Variants in SHMT2 observed in about 807,000 individuals in gnomAD.
The protein encoded by SHMT2 is serine hydroxymethyltransferase 2.
In SHMT2, 38 loss-of-function variants were observed where a neutral mutation model predicts 59.6. That is an observed-to-expected ratio of 0.64 (90% CI 0.49 to 0.84). The LOEUF is 0.84. SHMT2 is among the 40% of genes least tolerant of loss of function. The pLI, the probability that SHMT2 is intolerant of heterozygous loss-of-function variation, is 0.00. For missense variants in SHMT2, 533 were observed against 659.5 expected (o/e 0.81, Z 2.10); for synonymous variants, 254 against 258.1 (o/e 0.98, Z 0.15).
intron 2 of SHMT2, 190 bp downstream of exon 2, chr12:57,231,190 G>C: frequency 1.5e-6 from 1 of 648,964 alleles, no homozygotes; most frequent in Non-Finnish European, 2.7e-6. Context: ...CATTTAGGGA[G>C]CCTCCAGGGT....
chr12:57,230,816 G>A lies in SHMT2; in HGVS notation c.47G>A (p.Cys16Tyr), dbSNP rs1216006197. 2 of 1,614,118 alleles carry A rather than the reference G, an allele frequency of 1.2e-6. No homozygotes were observed. Among genetic ancestry groups the A allele is most frequent in the Non-Finnish European group, 1.7e-6 (2 of 1,180,004 alleles). The stretch of plus-strand genomic sequence containing the variant: ...TCCTGCCTTCAGCCTCTGCAGAGAT[G>A]TGGGCAGCTGGTCAGGATGGCCATT... ...LFWAARPLQR[C>Y]GQLVRMAIRA... Residue 16 changes from cysteine (C) to tyrosine (Y), a missense_variant, in exon 2 of 12, where the codon TGT becomes TAT. Transcript: ENST00000328923.
chr12:57,231,315 G>A, intron 2 of SHMT2, 166 bp from the exon 3 acceptor site: 1 of 729,390 alleles, frequency 1.4e-6, no homozygotes, highest in Non-Finnish European at 2.2e-6. Context: ...TGGCAGATGG[G>A]TTTCTGAGAA....
Position 57,232,163 on chromosome 12 carries a change from T to G in SHMT2, c.513-48T>G. 1.9e-6 allele frequency: 3 copies of G among 1,543,916 alleles called. No homozygotes were observed. In the South Asian group the frequency reaches 3.4e-5, roughly 17 times the overall value. On this transcript the variant is annotated intron_variant, in intron 4 of 11. Coordinates refer to ENST00000328923, the MANE Select transcript of SHMT2 (RefSeq NM_005412.6). ...TGTGGAGTTGAAGGGAGTGGTTAAG[T>G]CCGGGGGTCCTTCCACCCAGGCCTT...
In SHMT2 at chr12:57,234,391, C is replaced by A. The variant is rs2037467793; in HGVS notation, c.*30C>A. On this transcript the variant is annotated 3_prime_UTR_variant, in exon 12 of 12. Transcript: ENST00000328923. ...ACCTGGGAAATGAGGCCCACAGACT[C>A]AAAGTTACTCTCCTTCCCCCTACCT... 1.3e-6 allele frequency: 2 copies of A among 1,546,306 alleles called. No homozygotes were observed. Among genetic ancestry groups the A allele is most frequent in the Admixed American group, 4.1e-5 (2 of 48,958 alleles).
chr12:57,234,355 G>C lies in SHMT2; in HGVS notation c.1509G>C (p.Glu503Asp), dbSNP rs1386084291. The change falls in exon 12 of 12, where the codon GAG becomes GAC. Residue 503 changes from glutamate (E) to aspartate (D), a missense_variant. Physicochemically the swap from Glu to Asp is conservative, Grantham distance 45. Transcript: ENST00000328923. Reference sequence around the variant, plus strand: ...CCTTCCCCATGCCTGGTTTTGATGAGCATTGAAGGCACCTGGGAAATGAGG... The same window carrying C: ...CCTTCCCCATGCCTGGTTTTGATGACCATTGAAGGCACCTGGGAAATGAGG... ...ARAFPMPGFD[E>D]H 4 of 1,588,084 alleles carry C rather than the reference G, an allele frequency of 2.5e-6. No individual in the cohort carries two copies. In the African/African-American group the frequency reaches 5.4e-5, roughly 22 times the overall value.
chr12:57,234,206 C>T lies in SHMT2; in HGVS notation c.1388-28C>T, dbSNP rs1030270908. The T allele has an allele frequency of 4.3e-6, 7 of 1,611,524 alleles. No individual in the cohort carries two copies. In the African/African-American group the frequency reaches 9.3e-5, roughly 22 times the overall value. ...TCACTGCCTTCCCTAGAGCTCTGAC[C>T]ACTTGTTTCCTCACCCTCTCTCTCT... On this transcript the variant is annotated intron_variant, in intron 11 of 11. Coordinates refer to ENST00000328923, the MANE Select transcript of SHMT2 (RefSeq NM_005412.6).
rs752914896 is a variant in SHMT2 at position 57,229,745 on chromosome 12, T to G, written c.-34T>G. On this transcript the variant is annotated 5_prime_UTR_variant, in exon 1 of 12. Coordinates refer to ENST00000328923, the MANE Select transcript of SHMT2 (RefSeq NM_005412.6). ...ACAGCTTGCTGCCCTAGACCAGAGT[T>G]GGTGGCTGGACCTCCTGCGACTTCC... 1.9e-6 allele frequency: 3 copies of G among 1,613,932 alleles called. No individual in the cohort carries two copies. In the African/African-American group the frequency reaches 4.0e-5, roughly 22 times the overall value.
At position 57,229,810 on chromosome 12, in the gene SHMT2, G is replaced by C. The variant is rs1234551409; in HGVS notation, c.32G>C (p.Arg11Pro). 6.2e-7 allele frequency: 1 copy of C among 1,614,154 alleles called. No homozygotes were observed. MLYFSLFWAA[R>P]PLQRCGQLVR... is the part of the protein sequence containing the mutation. Reference sequence around the variant, plus strand: ...TACTTCTCTTTGTTTTGGGCGGCTCGGGTAAGAATGGGGCTCCAAACGCTG... The same window carrying C: ...TACTTCTCTTTGTTTTGGGCGGCTCCGGTAAGAATGGGGCTCCAAACGCTG... The change falls in exon 1 of 12, where the codon CGG (arginine) becomes CCG (proline). Residue 11 changes from arginine to proline, a missense_variant and splice_region_variant. By Grantham distance (103) the Arg-to-Pro change is moderately radical. Transcript: ENST00000328923.
intron 8 of SHMT2, 56 bp downstream of exon 8, chr12:57,233,401 C>T (rs2136793469): frequency 1.3e-6 from 2 of 1,537,510 alleles, no homozygotes; most frequent in Non-Finnish European, 1.8e-6. Flanking sequence ...AGGCTTAGAC[C>T]CTGCACCTTG....
intron 1 of SHMT2, chr12:57,230,584 G>C (rs1445485093): frequency 1.4e-6 from 2 of 1,411,758 alleles, no homozygotes; most frequent in Non-Finnish European, 1.8e-6. Context: ...TCTGAGGTGC[G>C]GTGCGGTGAA....
chr12:57,231,300 G>A, intron 2 of SHMT2, 181 bp from the exon 3 acceptor site: 1 of 675,248 alleles, frequency 1.5e-6, no homozygotes. Context: ...AGGGGCCACT[G>A]CTCATGGCAG....
In SHMT2 at chr12:57,231,122, C is replaced by G. The variant is rs981082448; in HGVS notation, c.231+122C>G. ...CTCAGGACCTTTCTTTGGGCTTTAT[C>G]TTCCTTTCTTATCTCCCTCAAGCAA... On this transcript the variant is annotated intron_variant, in intron 2 of 11. Transcript: ENST00000328923. The G allele has an allele frequency of 5.2e-6, 5 of 969,414 alleles. No individual in the cohort carries two copies. In the African/African-American group the frequency reaches 6.5e-5, roughly 13 times the overall value. 60.1% of individuals were successfully genotyped at this position (969,414 alleles called of 1,614,324 possible).
In SHMT2 at chr12:57,230,945, T is replaced by A; in HGVS notation, c.176T>A (p.Leu59Ter). The stretch of plus-strand genomic sequence containing the variant: ...GACAGTGATCCTGAGATGTGGGAGT[T>A]GCTGCAGAGGGAGAAGGACAGGCAG... The part of the protein sequence containing the change: ...LSDSDPEMWE[L>*]LQREKDRQCR... The change falls in exon 2 of 12, where the codon TTG (leucine) becomes TAG (stop). Residue 59 changes from leucine (L) to a stop codon, truncating the protein, a stop_gained. Coordinates refer to ENST00000328923, the MANE Select transcript of SHMT2 (RefSeq NM_005412.6). LOFTEE classifies it high-confidence loss of function. 6.2e-7 allele frequency: 1 copy of A among 1,613,876 alleles called. No homozygotes were observed. Among genetic ancestry groups the A allele is most frequent in the Non-Finnish European group, 8.5e-7 (1 of 1,179,994 alleles).
At position 57,231,860 on chromosome 12, in the gene SHMT2, C is replaced by T. The variant is rs2037332360; in HGVS notation, c.459C>T (p.Ala153=). 2.5e-6 allele frequency: 4 copies of T among 1,613,976 alleles called. No individual in the cohort carries two copies. Among genetic ancestry groups the T allele is most frequent in the Non-Finnish European group, 2.5e-6 (3 of 1,179,924 alleles). The change falls in exon 4 of 12, where the codon GCC becomes GCT. Residue 153 remains alanine (A), a synonymous_variant. Transcript: ENST00000328923. ...CAGCCAACCTGGCCGTCTACACAGCCCTTCTGCAACCTCACGACCGGATCA... is the reference window on the plus strand; with the variant it reads ...CAGCCAACCTGGCCGTCTACACAGCTCTTCTGCAACCTCACGACCGGATCA... ...GSPANLAVYT[A]LLQPHDRIMG...
At chr12:57,231,146 A>G in intron 2 of SHMT2, 146 bp downstream of exon 2, 1 of 823,292 alleles carries the variant, frequency 1.2e-6, no homozygotes, top group East Asian at 2.7e-5. Flanking sequence ...TCCCTCAAGC[A>G]AAGGCAGTGC....
At position 57,230,849 on chromosome 12, in the gene SHMT2, A is replaced by G; in HGVS notation, c.80A>G (p.Gln27Arg). 6.2e-7 allele frequency: 1 copy of G among 1,614,162 alleles called. No homozygotes were observed. The highest frequency in any genetic ancestry group is 8.5e-7 in the Non-Finnish European group (1 of 1,180,022). Residue 27 changes from glutamine (Q) to arginine (R), a missense_variant, in exon 2 of 12, where the codon CAG becomes CGG. Gln to Arg is a conservative substitution (Grantham distance 43, BLOSUM62 1). Coordinates refer to ENST00000328923, the MANE Select transcript of SHMT2 (RefSeq NM_005412.6). ...GQLVRMAIRA[Q>R]HSNAAQTQTG... is the part of the protein sequence containing the mutation. ...CTGGTCAGGATGGCCATTCGGGCTC[A>G]GCACAGCAACGCAGCCCAGACTCAG...
rs1222291991 is a variant in SHMT2 at position 57,229,939 on chromosome 12, G to A, written c.33+128G>A. On this transcript the variant is annotated intron_variant, in intron 1 of 11. Transcript: ENST00000328923. ...CACGTGGATTGGGGCCTCAGGGAGC[G>A]GACGTGTAACTGGGGAATCCCCAAG... The A allele has an allele frequency of 4.0e-6, 6 of 1,491,666 alleles. No homozygotes were observed. In the African/African-American group the frequency reaches 6.9e-5, roughly 17 times the overall value. 92.4% of individuals were successfully genotyped at this position (1,491,666 alleles called of 1,614,324 possible).
In SHMT2 at chr12:57,234,414, C is replaced by T. The variant is rs1565774333; in HGVS notation, c.*53C>T. ...CTCAAAGTTACTCTCCTTCCCCCTACCTGGGCCAGTGAAATAGAAAGCCTT... is the reference window on the plus strand; with the variant it reads ...CTCAAAGTTACTCTCCTTCCCCCTATCTGGGCCAGTGAAATAGAAAGCCTT... On this transcript the variant is annotated 3_prime_UTR_variant, in exon 12 of 12. Transcript: ENST00000328923. 1 of 1,512,566 alleles carries T rather than the reference C, an allele frequency of 6.6e-7. No homozygotes were observed. Among genetic ancestry groups the T allele is most frequent in the Non-Finnish European group, 8.8e-7 (1 of 1,130,738 alleles). 93.7% of individuals were successfully genotyped at this position (1,512,566 alleles called of 1,614,324 possible).
chr12:57,234,338 A>G lies in SHMT2; in HGVS notation c.1492A>G (p.Met498Val), dbSNP rs746483784. 1.9e-6 allele frequency: 3 copies of G among 1,607,808 alleles called. No individual in the cohort carries two copies. Among genetic ancestry groups the G allele is most frequent in the Non-Finnish European group, 2.5e-6 (3 of 1,177,320 alleles). ...RVEQFARAFP[M>V]PGFDEH ...GGAGCAGTTTGCCAGGGCCTTCCCC[A>G]TGCCTGGTTTTGATGAGCATTGAAG... The change falls in exon 12 of 12, where the codon ATG (methionine) becomes GTG (valine). Residue 498 changes from methionine to valine, a missense_variant. Physicochemically the swap from Met to Val is conservative, Grantham distance 21 (BLOSUM62 1). Coordinates refer to ENST00000328923, the MANE Select transcript of SHMT2 (RefSeq NM_005412.6).
Sources: allele counts gnomAD v4.1 joint callset, GRCh38; gene constraint gnomAD v4.1.1; transcripts MANE v1.5; gene names NCBI Gene and HGNC (gene_info 2026-07-23, HGNC 2026-07-21).